Variants in TIAM1 observed in about 807,000 individuals in gnomAD.
The protein encoded by TIAM1 is TIAM Rac1 associated GEF 1.
Under a neutral mutation model 163.5 loss-of-function variants are expected in TIAM1, and 65 were observed. That is an observed-to-expected ratio of 0.40 (90% CI 0.33 to 0.49). The LOEUF is 0.49. Ranked by LOEUF, TIAM1 falls within the 20% of genes least tolerant of loss-of-function variation. The probability of loss-of-function intolerance (pLI) is 0.77; values close to 1 mark genes in which losing one functional copy is unlikely to be tolerated. For missense variants in TIAM1, 1,789 were observed against 2,044.7 expected (o/e 0.87, Z 2.41); for synonymous variants, 833 against 810.1 (o/e 1.03, Z -0.48).
intron 13 of TIAM1, among the ~76,000 whole-genome samples, chr21:31,194,860 G>C (rs2085769315): frequency 6.6e-6 from 1 of 152,186 alleles, no homozygotes; most frequent in Non-Finnish European, 1.5e-5. Context: ...CCCAGAGGGA[G>C]CTCTCATTCT....
At chr21:31,508,108 C>T (rs1219545449) in intron 1 of TIAM1, among the ~76,000 whole-genome samples, 1 of 152,158 alleles carries the variant, frequency 6.6e-6, no homozygotes, top group Admixed American at 6.5e-5. Flanking sequence ...ACTGAGGAAG[C>T]CACCAGAAGC....
At chr21:31,170,169 T>C (rs779478154) in intron 15 of TIAM1, among the ~76,000 whole-genome samples, 14 of 151,990 alleles carry the variant, frequency 9.2e-5, no homozygotes, top group East Asian at 1.9e-4. Context: ...ATGGAAGTAA[T>C]AGACTTAAAC....
chr21:31,374,231 C>T (rs2300356), intron 2 of TIAM1, among the ~76,000 whole-genome samples: 18,126 of 152,138 alleles, frequency 0.12, 1,280 homozygotes, highest in Admixed American at 0.22. Flanking sequence ...TGGTGTGCAG[C>T]GGGCAGGGGG....
At chr21:31,400,124 T>C (rs975196752) in intron 2 of TIAM1, among the ~76,000 whole-genome samples, 38 of 152,008 alleles carry the variant, frequency 2.5e-4, no homozygotes, top group Non-Finnish European at 5.1e-4. Flanking sequence ...AACACTCTTT[T>C]TTTTTTTCCT....
rs182247935 is a variant in TIAM1 at position 31,462,931 on chromosome 21, T to C, written c.-369+1052A>G. On this transcript the variant is annotated intron_variant, in intron 2 of 28. Coordinates refer to the TIAM1 transcript ENST00000286827. ...CTAATTTTTGTATTTGGAGTAGAGATAGGGTTTCACCATGTTGGCCAGGCT... is the reference window on the plus strand; with the variant it reads ...CTAATTTTTGTATTTGGAGTAGAGACAGGGTTTCACCATGTTGGCCAGGCT... Among the ~76,000 whole-genome samples, 85 of 152,136 alleles carry C rather than the reference T, an allele frequency of 5.6e-4. 1 individual carries two copies. Among genetic ancestry groups the C allele is most frequent in the Admixed American group, 2.0e-3 (31 of 15,294 alleles).
chr21:31,210,784 A>G lies in TIAM1; in HGVS notation c.2218-569T>C, dbSNP rs1026157160. ...AAAGAAAGAAAGAAAGAAAGAAAGAAAGAAAGAAAGAAAGAAAGAAAGAAA... is the reference window on the plus strand; with the variant it reads ...AAAGAAAGAAAGAAAGAAAGAAAGAGAGAAAGAAAGAAAGAAAGAAAGAAA... On this transcript the variant is annotated intron_variant, in intron 10 of 27. Coordinates refer to ENST00000541036, the MANE Select transcript of TIAM1 (RefSeq NM_001353694.2). Among the ~76,000 whole-genome samples the G allele has an allele frequency of 2.3e-4, 32 of 141,384 alleles. 1 individual carries two copies. Among genetic ancestry groups the G allele is most frequent in the African/African-American group, 1.0e-3 (32 of 31,880 alleles). 92.8% of individuals were successfully genotyped at this position (141,384 alleles called of 152,430 possible). A position where few individuals can be genotyped will look rare whatever the true frequency, so the allele number is the denominator to read the frequency against.
At chr21:31,291,842 C>A (rs746869125) in intron 2 of TIAM1, among the ~76,000 whole-genome samples, 3 of 152,090 alleles carry the variant, frequency 2.0e-5, no homozygotes, top group Non-Finnish European at 4.4e-5. Flanking sequence ...GCCTGTATAA[C>A]CCTCAGATAT....
rs373466806 is a variant in TIAM1 at position 31,195,776 on chromosome 21, G to T, written c.2494-471C>A. ...ACAGAAAACAAATTACGTAAAGGAG[G>T]ATATTCTTTTTTTTAGCCACTGAAC... On this transcript the variant is annotated intron_variant, in intron 12 of 27. Coordinates refer to ENST00000541036, the MANE Select transcript of TIAM1 (RefSeq NM_001353694.2). Among the ~76,000 whole-genome samples, 7 of 152,058 alleles carry T rather than the reference G, an allele frequency of 4.6e-5. No individual in the cohort carries two copies. In the East Asian group the frequency reaches 1.2e-3, roughly 25 times the overall value.
chr21:31,277,912 GATAA>G (rs1012334971), intron 2 of TIAM1, among the ~76,000 whole-genome samples: 5 of 152,068 alleles, frequency 3.3e-5, no homozygotes, highest in Admixed American at 2.0e-4. Flanking sequence ...GCTTAAATCA[GATAA>G]ATAAATAAAT....
At chr21:31,284,944 G>C (rs1028214496) in intron 2 of TIAM1, among the ~76,000 whole-genome samples, 1 of 152,098 alleles carries the variant, frequency 6.6e-6, no homozygotes, top group African/African-American at 2.4e-5. Flanking sequence ...AGCAGCTTCT[G>C]TCTACCTCCA....
At chr21:31,171,981 A>G (rs2084533460) in intron 15 of TIAM1, among the ~76,000 whole-genome samples, 1 of 152,202 alleles carries the variant, frequency 6.6e-6, no homozygotes, top group South Asian at 2.1e-4. Context: ...ACTCCAGGGA[A>G]GGTTAGCAGA....
At chr21:31,457,093 C>T (rs1003618048) in intron 2 of TIAM1, among the ~76,000 whole-genome samples, 1 of 152,162 alleles carries the variant, frequency 6.6e-6, no homozygotes, top group Admixed American at 6.6e-5. Context: ...CTCCCCATGT[C>T]TCCTCCCTGA....
rs370766342 is a variant in TIAM1, at chr21:31,155,544, A to G, written c.2992-1118T>C. ...TTTTGAGACGGAGTCTCGCTCTGTC[A>G]CCCAGGCTGGAGTGCAGTGGTGCGA... is the stretch of plus-strand genomic sequence containing the variant. On this transcript the variant is annotated intron_variant, in intron 16 of 27. Coordinates refer to ENST00000541036, the MANE Select transcript of TIAM1 (RefSeq NM_001353694.2). Among the ~76,000 whole-genome samples the G allele has an allele frequency of 3.6e-3, 541 of 151,846 alleles. 4 individuals carry two copies. Among genetic ancestry groups the G allele is most frequent in the African/African-American group, 0.012 (499 of 41,410 alleles).
Position 31,187,043 on chromosome 21 carries a change from A to T in TIAM1, c.2620T>A (p.Tyr874Asn). 1.9e-6 allele frequency: 3 copies of T among 1,614,150 alleles called. No homozygotes were observed. The highest frequency in any genetic ancestry group is 2.5e-6 in the Non-Finnish European group (3 of 1,180,010). ...SVEEDGIRRLYVNSVKETGLA... is the reference protein window; with the variant it reads ...SVEEDGIRRLNVNSVKETGLA... Reference sequence around the variant, plus strand: ...CCGGTTTCCTTCACACTATTCACGTACAGCCTTCGAATACCATCTTCTTCC... The same window carrying T: ...CCGGTTTCCTTCACACTATTCACGTTCAGCCTTCGAATACCATCTTCTTCC... Residue 874 changes from tyrosine (Y) to asparagine (N), a missense_variant, in exon 14 of 28, where the codon TAC becomes AAC. By Grantham distance (143) the Tyr-to-Asn change is moderately radical. Transcript: ENST00000541036.
At chr21:31,365,368 G>T (rs1355600958) in intron 2 of TIAM1, among the ~76,000 whole-genome samples, 2 of 149,950 alleles carry the variant, frequency 1.3e-5, no homozygotes, top group Admixed American at 1.3e-4. Context: ...GGCAGGGTCT[G>T]TGTCTCACTT....
At chr21:31,401,780 G>A (rs983871124) in intron 2 of TIAM1, among the ~76,000 whole-genome samples, 18 of 151,952 alleles carry the variant, frequency 1.2e-4, no homozygotes, top group Admixed American at 7.2e-4. Flanking sequence ...ATGGTGGTAT[G>A]CACGCCTGGA....
At chr21:31,192,991 T>TA (rs1317039742) in intron 13 of TIAM1, among the ~76,000 whole-genome samples, 1 of 151,984 alleles carries the variant, frequency 6.6e-6, no homozygotes. Flanking sequence ...GGCTGTCTGT[T>TA]ACCTCAGCTA....
At chr21:31,442,766 C>G (rs952289592) in intron 2 of TIAM1, among the ~76,000 whole-genome samples, 2 of 152,144 alleles carry the variant, frequency 1.3e-5, no homozygotes, top group South Asian at 4.1e-4. Context: ...CTCAGAGGAG[C>G]CTGACTACAG....
At chr21:31,246,633 A>G (rs1022178181) in intron 5 of TIAM1, among the ~76,000 whole-genome samples, 21 of 152,204 alleles carry the variant, frequency 1.4e-4, no homozygotes, top group Admixed American at 3.3e-4. Context: ...TTCGGCTACA[A>G]TGGGAATCTG....
Sources: allele counts gnomAD v4.1 joint callset (sites outside exome capture counted in the v4.1 genomes callset), GRCh38; gene constraint gnomAD v4.1.1; transcripts MANE v1.5; gene names NCBI Gene and HGNC (gene_info 2026-07-23, HGNC 2026-07-21).